STMN2: variants seen among roughly 807,000 people sequenced by gnomAD.
The protein encoded by STMN2 is stathmin-2.
STMN2 carries 2 observed loss-of-function variants against 24.1 expected under a neutral mutation model. The observed-to-expected ratio is 0.08, with a 90% CI of 0.03 to 0.26. The LOEUF (loss-of-function observed/expected upper bound fraction) is 0.26. Ranked by LOEUF, STMN2 falls within the 10% of genes least tolerant of loss-of-function variation. The pLI, the probability that STMN2 is intolerant of heterozygous loss-of-function variation, is 1.00. For synonymous variants in STMN2, 83 were observed against 77.5 expected, an observed-to-expected ratio of 1.07 and a Z score of -0.37; for missense variants, 114 against 213.6, an observed-to-expected ratio of 0.53 and a Z score of 2.91.
intron 1 of STMN2, 114 bp from the exon 2 acceptor site, chr8:79,636,688 C>A: frequency 2.2e-6 from 2 of 917,176 alleles, no homozygotes; most frequent in Non-Finnish European, 3.3e-6. Flanking sequence ...GCAAAGGAGT[C>A]TACCTGGCAA....
intron 2 of STMN2, among the ~76,000 whole-genome samples, chr8:79,639,882 T>C (rs938172931): frequency 1.3e-5 from 2 of 152,210 alleles, no homozygotes; most frequent in African/African-American, 4.8e-5. Flanking sequence ...TACATTGTTA[T>C]TAACAATAGT....
At chr8:79,651,217 CTG>C (rs1167706951) in intron 3 of STMN2, among the ~76,000 whole-genome samples, 2 of 152,240 alleles carry the variant, frequency 1.3e-5, no homozygotes, top group East Asian at 3.8e-4. Context: ...TGGCAGGTCT[CTG>C]TGAGTTAGCA....
chr8:79,637,945 A>G (rs1810004756), intron 2 of STMN2, among the ~76,000 whole-genome samples: 1 of 152,238 alleles, frequency 6.6e-6, no homozygotes, highest in Non-Finnish European at 1.5e-5. Context: ...AAAATCATAA[A>G]TGCTAATTAA....
chr8:79,640,657 A>C (rs964920760), intron 2 of STMN2, among the ~76,000 whole-genome samples: 4 of 152,222 alleles, frequency 2.6e-5, no homozygotes, highest in Non-Finnish European at 1.5e-5. Flanking sequence ...GACTGTAAGC[A>C]TCTTGAAGAC....
chr8:79,650,979 T>C (rs754368772), intron 3 of STMN2, among the ~76,000 whole-genome samples: 46 of 152,216 alleles, frequency 3.0e-4, no homozygotes, highest in Non-Finnish European at 1.2e-4. Context: ...GAATAGAGAC[T>C]AATATAGGAA....
chr8:79,651,319 G>A (rs1208311232), intron 3 of STMN2, among the ~76,000 whole-genome samples: 1 of 152,158 alleles, frequency 6.6e-6, no homozygotes, highest in Non-Finnish European at 1.5e-5. Context: ...CACCTATGCT[G>A]TGTAATCTCA....
intron 3 of STMN2, among the ~76,000 whole-genome samples, chr8:79,647,694 G>A (rs1397250958): frequency 6.6e-6 from 1 of 152,188 alleles, no homozygotes; most frequent in Non-Finnish European, 1.5e-5. Context: ...AATAGAAGAA[G>A]CTTGTCATAA....
At chr8:79,648,275 T>C (rs542321519) in intron 3 of STMN2, among the ~76,000 whole-genome samples, 1 of 152,230 alleles carries the variant, frequency 6.6e-6, no homozygotes, top group Admixed American at 6.5e-5. Flanking sequence ...GTGTGAGAAT[T>C]GGAAGGTTAC....
intron 1 of STMN2, among the ~76,000 whole-genome samples, chr8:79,625,483 A>G (rs561362945): frequency 5.3e-5 from 8 of 152,342 alleles, no homozygotes; most frequent in South Asian, 2.1e-4. Context: ...GTCTGACCCA[A>G]GTTGACTTTG....
chr8:79,618,029 C>T (rs1488978865), intron 1 of STMN2, among the ~76,000 whole-genome samples: 1 of 152,230 alleles, frequency 6.6e-6, no homozygotes, highest in Non-Finnish European at 1.5e-5. Context: ...GGCCATCTGG[C>T]TTCGGAATCC....
intron 3 of STMN2, among the ~76,000 whole-genome samples, chr8:79,654,588 CT>C (rs1296171363): frequency 6.6e-6 from 1 of 152,004 alleles, no homozygotes; most frequent in Non-Finnish European, 1.5e-5. Flanking sequence ...GCAACAAAGC[CT>C]TTTTTTAAAA....
At chr8:79,648,453 CTTTTT>C (rs11374351) in intron 3 of STMN2, among the ~76,000 whole-genome samples, 2 of 97,914 alleles carry the variant, frequency 2.0e-5, no homozygotes, top group African/African-American at 3.9e-5. Flanking sequence ...ATATACGTTG[CTTTTT>C]TTTTTTTTTT....
intron 1 of STMN2, among the ~76,000 whole-genome samples, chr8:79,632,033 T>A (rs1487768293): frequency 6.6e-6 from 1 of 152,128 alleles, no homozygotes; most frequent in Non-Finnish European, 1.5e-5. Flanking sequence ...AGACTCAAGT[T>A]TTTTAGAATC....
chr8:79,662,977 A>C (rs1441649072), intron 4 of STMN2, among the ~76,000 whole-genome samples: 1 of 152,104 alleles, frequency 6.6e-6, no homozygotes, highest in African/African-American at 2.4e-5. Context: ...AGCTGCATCC[A>C]TGCTAATTTC....
chr8:79,644,489 A>G (rs1810176531), intron 3 of STMN2, among the ~76,000 whole-genome samples: 1 of 152,232 alleles, frequency 6.6e-6, no homozygotes, highest in Non-Finnish European at 1.5e-5. Flanking sequence ...CCCAACCCAG[A>G]ACCAATCATT....
At chr8:79,643,031 A>C (rs1810137656) in intron 3 of STMN2, among the ~76,000 whole-genome samples, 1 of 148,170 alleles carries the variant, frequency 6.7e-6, no homozygotes, top group African/African-American at 2.5e-5. Flanking sequence ...TGATGTGTAT[A>C]TATGTATATG....
At chr8:79,613,818 G>A (rs1809310721) in intron 1 of STMN2, 1 of 985,202 alleles carries the variant, frequency 1.0e-6, no homozygotes, top group Admixed American at 6.2e-5. Flanking sequence ...TTTGCTTCCT[G>A]CCAGGATTAT....
intron 4 of STMN2, among the ~76,000 whole-genome samples, chr8:79,662,663 G>C (rs1189775459): frequency 6.6e-6 from 1 of 151,958 alleles, no homozygotes; most frequent in Non-Finnish European, 1.5e-5. Flanking sequence ...ATTATCTCAA[G>C]CTCACAAATT....
chr8:79,662,522 AC>A, intron 4 of STMN2, among the ~76,000 whole-genome samples: 1 of 152,304 alleles, frequency 6.6e-6, no homozygotes, highest in Admixed American at 6.5e-5. Context: ...ATATAAAGTC[AC>A]ATTAACAGTT....
Sources: allele counts gnomAD v4.1 joint callset (sites outside exome capture counted in the v4.1 genomes callset), GRCh38; gene constraint gnomAD v4.1.1; transcripts MANE v1.5; gene names NCBI Gene and HGNC (gene_info 2026-07-23, HGNC 2026-07-21).